NTM: variants seen among roughly 807,000 people sequenced by gnomAD.
The protein encoded by NTM is neurotrimin.
A neutral mutation model predicts 42.1 loss-of-function variants in NTM; 13 were observed. The observed-to-expected ratio is 0.31, with a 90% confidence interval of 0.20 to 0.49. The LOEUF is 0.49. Ranked by LOEUF, NTM falls within the 20% of genes least tolerant of loss-of-function variation. The pLI is 0.99. For synonymous variants in NTM, 187 were observed against 179.2 expected, an observed-to-expected ratio of 1.04 and a Z score of -0.35; for missense variants, 373 against 452.8, an observed-to-expected ratio of 0.82 and a Z score of 1.60.
intron 3 of NTM, among the ~76,000 whole-genome samples, chr11:132,152,875 C>T (rs570172031): frequency 4.3e-4 from 65 of 152,228 alleles, no homozygotes; most frequent in Non-Finnish European, 7.2e-4. Flanking sequence ...TTTTCTTTTC[C>T]TTTTGGTATG....
intron 1 of NTM, among the ~76,000 whole-genome samples, chr11:131,872,632 G>A (rs560222175): frequency 3.9e-5 from 6 of 152,278 alleles, no homozygotes; most frequent in Non-Finnish European, 8.8e-5. Context: ...TATGAATGGT[G>A]TATTTATGAG....
chr11:132,310,593 G>A (rs573412924), intron 6 of NTM, among the ~76,000 whole-genome samples: 29 of 152,212 alleles, frequency 1.9e-4, no homozygotes, highest in East Asian at 1.4e-3. Context: ...TCAGGCTTGC[G>A]TAAAGGAGTT....
chr11:131,470,695 G>C (rs537240653), intron 1 of NTM, among the ~76,000 whole-genome samples: 1 of 152,302 alleles, frequency 6.6e-6, no homozygotes, highest in African/African-American at 2.4e-5. Context: ...TGCTCTCTTG[G>C]CTCACAGGCA....
intron 1 of NTM, among the ~76,000 whole-genome samples, chr11:131,650,335 G>C (rs1269856558): frequency 3.3e-5 from 5 of 152,158 alleles, no homozygotes; most frequent in Non-Finnish European, 7.3e-5. Context: ...GAGTAACATT[G>C]GTTCACTGTG....
At chr11:131,584,117 C>T (rs1315353126) in intron 1 of NTM, among the ~76,000 whole-genome samples, 1 of 152,206 alleles carries the variant, frequency 6.6e-6, no homozygotes, top group Non-Finnish European at 1.5e-5. Flanking sequence ...GCAAAAAGCT[C>T]AGAGGTTAAC....
chr11:131,475,156 C>T (rs764424959), intron 1 of NTM, among the ~76,000 whole-genome samples: 4 of 152,130 alleles, frequency 2.6e-5, no homozygotes, highest in East Asian at 1.9e-4. Context: ...TGGCTGGGCC[C>T]GGTTGGTTAT....
Position 132,068,540 on chromosome 11 carries a change from A to G in NTM, c.168-77742A>G, listed in dbSNP as rs963363098. The stretch of plus-strand genomic sequence containing the variant: ...GGTAAAGACAATCTGGGCTTTTTCT[A>G]TCATGCACTTACAAGTTCTTTGAGC... On this transcript the variant is annotated intron_variant, in intron 2 of 8. Coordinates refer to ENST00000683400, the MANE Select transcript of NTM (RefSeq NM_001352005.2). 5.3e-5 allele frequency among the ~76,000 whole-genome samples: 8 copies of G among 152,220 alleles called. No individual in the cohort carries two copies. In the South Asian group the frequency reaches 6.2e-4, roughly 12 times the overall value.
intron 1 of NTM, among the ~76,000 whole-genome samples, chr11:131,451,472 T>A (rs565147371): frequency 3.3e-5 from 5 of 152,100 alleles, no homozygotes; most frequent in Non-Finnish European, 7.4e-5. Context: ...GAGAAGGCTT[T>A]GTGGAAGAGC....
intron 4 of NTM, among the ~76,000 whole-genome samples, chr11:132,295,249 C>G (rs1159807153): frequency 1.3e-5 from 2 of 152,014 alleles, no homozygotes; most frequent in Non-Finnish European, 2.9e-5. Flanking sequence ...ATATGATTAA[C>G]AATTGATATG....
At chr11:132,333,908 T>C (rs1408593328) in intron 8 of NTM, among the ~76,000 whole-genome samples, 1 of 152,234 alleles carries the variant, frequency 6.6e-6, no homozygotes, top group African/African-American at 2.4e-5. Context: ...TGTTTTGATT[T>C]TGATTTGTTT....
At chr11:131,859,074 ACATCCATC>A (rs772277900) in intron 1 of NTM, among the ~76,000 whole-genome samples, 24 of 152,200 alleles carry the variant, frequency 1.6e-4, no homozygotes, top group Non-Finnish European at 2.6e-4. Flanking sequence ...TTCCCCTTCA[ACATCCATC>A]CATCCATCCA....
In NTM at chr11:132,192,366, T is replaced by C. The variant is rs373361877; in HGVS notation, c.401-19656T>C. Among the ~76,000 whole-genome samples the C allele has an allele frequency of 3.9e-5, 6 of 152,116 alleles. No individual in the cohort carries two copies. In the South Asian group the frequency reaches 1.2e-3, roughly 31 times the overall value. ...AGAAATTGGGAACCTATTCTGAGCA[T>C]CCTAAAAGAAAAAAATTCCAACCCA... On this transcript the variant is annotated intron_variant, in intron 3 of 8. Transcript: ENST00000683400.
intron 1 of NTM, among the ~76,000 whole-genome samples, chr11:131,455,702 T>A (rs903367368): frequency 1.3e-5 from 2 of 152,042 alleles, no homozygotes; most frequent in African/African-American, 4.8e-5. Flanking sequence ...ATCCAACAGG[T>A]CTAAGTTCTG....
At chr11:132,001,774 AGG>A (rs1491228698) in intron 2 of NTM, among the ~76,000 whole-genome samples, 1 of 137,344 alleles carries the variant, frequency 7.3e-6, no homozygotes, top group Non-Finnish European at 1.6e-5. Flanking sequence ...ACACACAGAC[AGG>A]CACACACACA....
chr11:131,788,885 C>T (rs1271506242), intron 1 of NTM, among the ~76,000 whole-genome samples: 2 of 152,164 alleles, frequency 1.3e-5, no homozygotes, highest in Non-Finnish European at 2.9e-5. Context: ...TCTCCGTGGC[C>T]ACCTGGGAAG....
chr11:132,185,857 C>T (rs964035252), intron 3 of NTM, among the ~76,000 whole-genome samples: 9 of 152,084 alleles, frequency 5.9e-5, no homozygotes, highest in Non-Finnish European at 8.8e-5. Context: ...TTTTTGGGCT[C>T]GGATTCTTTA....
intron 1 of NTM, among the ~76,000 whole-genome samples, chr11:131,543,959 C>T (rs867313488): frequency 2.0e-5 from 3 of 152,208 alleles, no homozygotes; most frequent in Non-Finnish European, 2.9e-5. Flanking sequence ...ACACACCAGG[C>T]AGGTGGCCTC....
chr11:132,115,728 T>C (rs769725036), intron 2 of NTM, among the ~76,000 whole-genome samples: 1 of 152,232 alleles, frequency 6.6e-6, no homozygotes, highest in Non-Finnish European at 1.5e-5. Context: ...GTCTTTCTAA[T>C]GTTTGCTTAA....
intron 2 of NTM, among the ~76,000 whole-genome samples, chr11:132,044,134 G>A (rs1449618907): frequency 2.6e-4 from 37 of 145,062 alleles, no homozygotes; most frequent in Non-Finnish European, 4.4e-4. Context: ...GTATATATGT[G>A]TGTGTGTATG....
Sources: allele counts gnomAD v4.1 joint callset (sites outside exome capture counted in the v4.1 genomes callset), GRCh38; gene constraint gnomAD v4.1.1; transcripts MANE v1.5; gene names NCBI Gene and HGNC (gene_info 2026-07-23, HGNC 2026-07-21).